Variants in KPNA5 observed in about 807,000 individuals in gnomAD.
KPNA5 encodes importin subunit alpha-6.
A neutral mutation model predicts 71.3 loss-of-function variants in KPNA5; 46 were observed. That is an observed-to-expected ratio of 0.65 (90% CI 0.51 to 0.83). KPNA5 has a LOEUF of 0.83. Ranked by LOEUF, KPNA5 falls within the 40% of genes least tolerant of loss-of-function variation. The pLI is 0.00. For missense variants in KPNA5, 547 were observed against 628.3 expected (o/e 0.87, Z 1.38); for synonymous variants, 207 against 201.4 (o/e 1.03, Z -0.24).
Position 116,694,999 on chromosome 6 carries a change from G to A in KPNA5, c.340+2607G>A, listed in dbSNP as rs543802265. On this transcript the variant is annotated intron_variant, in intron 4 of 13. Coordinates refer to ENST00000368564, the MANE Select transcript of KPNA5 (RefSeq NM_001366306.2). The stretch of plus-strand genomic sequence containing the variant: ...ACATCTCACTCCCGTCACCCAGACT[G>A]GAGTGCAATAGCAGAATCACAGCTC... 1.1e-4 allele frequency among the ~76,000 whole-genome samples: 16 copies of A among 151,960 alleles called. No individual in the cohort carries two copies. The South Asian group carries it at 3.3e-3, about 32-fold the overall frequency.
intron 7 of KPNA5, among the ~76,000 whole-genome samples, chr6:116,708,992 G>A (rs1778550026): frequency 6.6e-6 from 1 of 152,048 alleles, no homozygotes; most frequent in Non-Finnish European, 1.5e-5. Context: ...CACCATGTTG[G>A]CCAGGCTGGT....
chr6:116,725,997 G>C, intron 11 of KPNA5, 121 bp downstream of exon 11: 2 of 1,080,626 alleles, frequency 1.9e-6, no homozygotes, highest in Non-Finnish European at 2.6e-6. Context: ...GTATTTTAAA[G>C]AACATGGGCT....
chr6:116,685,575 A>C (rs1381229034), intron 1 of KPNA5, among the ~76,000 whole-genome samples: 1 of 152,154 alleles, frequency 6.6e-6, no homozygotes, highest in African/African-American at 2.4e-5. Flanking sequence ...GCTAAGGATA[A>C]TGTCCTCTAG....
intron 4 of KPNA5, among the ~76,000 whole-genome samples, chr6:116,696,710 C>T (rs1040397812): frequency 6.6e-6 from 1 of 152,004 alleles, no homozygotes; most frequent in African/African-American, 2.4e-5. Flanking sequence ...GATATTCCCC[C>T]TATACTACTT....
chr6:116,726,706 C>A, intron 12 of KPNA5, 84 bp downstream of exon 12: 1 of 1,126,814 alleles, frequency 8.9e-7, no homozygotes, highest in Admixed American at 3.1e-5. Context: ...ACTGATGGAA[C>A]TAAAATATTA....
chr6:116,729,562 G>T lies in KPNA5; in HGVS notation c.1254-1G>T. 6.7e-7 allele frequency: 1 copy of T among 1,489,962 alleles called. No homozygotes were observed. The highest frequency in any genetic ancestry group is 1.4e-5 in the South Asian group (1 of 70,314). 92.3% of individuals were successfully genotyped at this position (1,489,962 alleles called of 1,614,324 possible). On this transcript the variant is annotated splice_acceptor_variant, in intron 12 of 13. Coordinates refer to ENST00000368564, the MANE Select transcript of KPNA5 (RefSeq NM_001366306.2). LOFTEE classifies it high-confidence loss of function. The stretch of plus-strand genomic sequence containing the variant: ...TTCTTCTCTTTTATATTAATCTGAA[G>T]GTATTTGGTAGCTTTAGGCTGCATT...
At chr6:116,690,665 A>C (rs1028953730) in intron 2 of KPNA5, among the ~76,000 whole-genome samples, 1 of 151,812 alleles carries the variant, frequency 6.6e-6, no homozygotes, top group Non-Finnish European at 1.5e-5. Flanking sequence ...AAAAAGAAGA[A>C]CGATATTTAT....
chr6:116,723,428 A>C (rs1779188371), intron 9 of KPNA5, among the ~76,000 whole-genome samples: 1 of 152,176 alleles, frequency 6.6e-6, no homozygotes, highest in African/African-American at 2.4e-5. Flanking sequence ...ACTACTCTCC[A>C]TTGAAAGGAA....
rs145292995 is a variant in KPNA5, at chr6:116,732,435, A to G, written c.*112A>G. 2.8e-5 allele frequency: 14 copies of G among 503,904 alleles called. No homozygotes were observed. The highest frequency in any genetic ancestry group is 2.6e-4 in the African/African-American group (13 of 49,902). 31.2% of individuals were successfully genotyped at this position (503,904 alleles called of 1,614,324 possible). The stretch of plus-strand genomic sequence containing the variant: ...TACATAGAACAGTAAAGAGAATTTG[A>G]TGCACTTTTAGAAAGCAAAATGAAA... On this transcript the variant is annotated 3_prime_UTR_variant, in exon 14 of 14. Coordinates refer to ENST00000368564, the MANE Select transcript of KPNA5 (RefSeq NM_001366306.2).
rs964387923 is a variant in KPNA5, at chr6:116,733,017, A to G, written c.*694A>G. On this transcript the variant is annotated 3_prime_UTR_variant, in exon 14 of 14. Coordinates refer to ENST00000368564, the MANE Select transcript of KPNA5 (RefSeq NM_001366306.2). ...AACACATTAAAAAGATTACTTTATAAAATGTTTAAATATTTCTGTTTTTAA... is the reference window on the plus strand; with the variant it reads ...AACACATTAAAAAGATTACTTTATAGAATGTTTAAATATTTCTGTTTTTAA... The G allele has an allele frequency of 2.6e-5, 4 of 151,864 alleles. No individual in the cohort carries two copies. The highest frequency in any genetic ancestry group is 9.7e-5 in the African/African-American group (4 of 41,428). 9.4% of individuals were successfully genotyped at this position (151,864 alleles called of 1,614,324 possible).
chr6:116,681,751 C>G (rs1490143043), intron 1 of KPNA5, among the ~76,000 whole-genome samples: 3 of 152,156 alleles, frequency 2.0e-5, no homozygotes, highest in Non-Finnish European at 4.4e-5. Flanking sequence ...CAGGTTCCAT[C>G]CCGAGGGCCT....
Position 116,732,414 on chromosome 6 carries a change from T to C in KPNA5, c.*91T>C, listed in dbSNP as rs956988947. 8.8e-6 allele frequency: 6 copies of C among 680,074 alleles called. No homozygotes were observed. The East Asian group carries it at 1.0e-4, about 11-fold the overall frequency. The allele number at this position is 680,074 out of a possible 1,614,324, so 42.1% of individuals were successfully genotyped here. ...ATGTAAGAATGTTTGTTTTTTTACA[T>C]AGAACAGTAAAGAGAATTTGATGCA... On this transcript the variant is annotated 3_prime_UTR_variant, in exon 14 of 14. Coordinates refer to ENST00000368564, the MANE Select transcript of KPNA5 (RefSeq NM_001366306.2).
chr6:116,727,308 G>C (rs1234239828), intron 12 of KPNA5, among the ~76,000 whole-genome samples: 3 of 151,866 alleles, frequency 2.0e-5, no homozygotes, highest in Middle Eastern at 3.2e-3. Context: ...GTGTAAGTCA[G>C]CCTTCCATAT....
At chr6:116,730,146 G>T (rs1429973001) in intron 13 of KPNA5, among the ~76,000 whole-genome samples, 1 of 148,730 alleles carries the variant, frequency 6.7e-6, no homozygotes, top group Non-Finnish European at 1.5e-5. Flanking sequence ...GAGTGCGGTG[G>T]TGTGGTCTTG....
chr6:116,727,804 CTT>C (rs992651182), intron 12 of KPNA5, among the ~76,000 whole-genome samples: 5 of 152,014 alleles, frequency 3.3e-5, no homozygotes, highest in African/African-American at 1.2e-4. Context: ...TACTTTCACT[CTT>C]TTTTATCTCC....
chr6:116,683,800 T>C (rs1777456418), intron 1 of KPNA5, among the ~76,000 whole-genome samples: 1 of 151,328 alleles, frequency 6.6e-6, no homozygotes, highest in Admixed American at 6.6e-5. Flanking sequence ...GGTTTCACTG[T>C]GTTAGCCAAA....
chr6:116,711,239 A>C (rs1033381167), intron 7 of KPNA5, among the ~76,000 whole-genome samples: 13 of 142,652 alleles, frequency 9.1e-5, no homozygotes, highest in Non-Finnish European at 1.8e-4. Flanking sequence ...ATCTAGATAA[A>C]GGCTTGTTTT....
chr6:116,689,907 G>A lies in KPNA5; in HGVS notation c.138+454G>A, dbSNP rs1342234816. On this transcript the variant is annotated intron_variant, in intron 2 of 13. Coordinates refer to ENST00000368564, the MANE Select transcript of KPNA5 (RefSeq NM_001366306.2). ...ATCTCTGTTTATACTTTTCATATGT[G>A]ACATAAAGAATATAAAATTGTTTAA... 2.0e-5 allele frequency among the ~76,000 whole-genome samples: 3 copies of A among 152,172 alleles called. No individual in the cohort carries two copies. In the East Asian group the frequency reaches 5.8e-4, roughly 29 times the overall value.
chr6:116,716,449 A>T, intron 8 of KPNA5, 131 bp downstream of exon 8: 2 of 684,838 alleles, frequency 2.9e-6, no homozygotes, highest in Non-Finnish European at 5.1e-6. Flanking sequence ...ATGTTTGCAC[A>T]TATACAGTAT....
Sources: allele counts gnomAD v4.1 joint callset (sites outside exome capture counted in the v4.1 genomes callset), GRCh38; gene constraint gnomAD v4.1.1; transcripts MANE v1.5; gene names NCBI Gene and HGNC (gene_info 2026-07-23, HGNC 2026-07-21).